CCDC18: variants seen among roughly 807,000 people sequenced by gnomAD.
The protein encoded by CCDC18 is coiled-coil domain-containing protein 18.
CCDC18 carries 157 observed loss-of-function variants against 196.0 expected under a neutral mutation model. The ratio of observed to expected loss-of-function variants is 0.80; its 90% CI spans 0.70 to 0.91. The LOEUF (loss-of-function observed/expected upper bound fraction) is 0.91. Ranked by LOEUF, CCDC18 falls within the 40% of genes least tolerant of loss-of-function variation. The probability of loss-of-function intolerance (pLI) is 0.00; values close to 1 mark genes in which losing one functional copy is unlikely to be tolerated. For synonymous variants in CCDC18, 482 were observed against 529.2 expected (o/e 0.91, Z 1.22); for missense variants, 1,465 against 1,611.6 (o/e 0.91, Z 1.56).
At chr1:93,199,092 G>A (rs1408420104) in intron 6 of CCDC18, among the ~76,000 whole-genome samples, 1 of 152,186 alleles carries the variant, frequency 6.6e-6, no homozygotes, top group Non-Finnish European at 1.5e-5. Context: ...TGGGATCCTT[G>A]GGGTGTTGCT....
intron 18 of CCDC18, among the ~76,000 whole-genome samples, chr1:93,235,631 C>T (rs1659975306): frequency 6.6e-6 from 1 of 151,876 alleles, no homozygotes; most frequent in Admixed American, 6.6e-5. Context: ...AAGCTTTTTA[C>T]AGTGGGAAAG....
chr1:93,258,652 AAAATT>A, intron 25 of CCDC18, 91 bp from the exon 26 acceptor site: 2 of 990,992 alleles, frequency 2.0e-6, no homozygotes, highest in South Asian at 5.1e-5. Context: ...TATAATATAA[AAAATT>A]AAACTACTTC....
rs1193446888 is a variant in CCDC18 at position 93,195,737 on chromosome 1, CAG to C, written c.698+1999_698+2000del. Among the ~76,000 whole-genome samples, 3 of 152,216 alleles carry C rather than the reference CAG, an allele frequency of 2.0e-5. No individual in the cohort carries two copies. The East Asian group carries it at 5.8e-4, about 29-fold the overall frequency. On this transcript the variant is annotated intron_variant, in intron 6 of 28. Transcript: ENST00000690025. ...AGCATTTAAGGCACCATCTTGGAAGCAGAGAGATTAGGCCCTACCAAACTGCC... is the reference window on the plus strand; with the variant it reads ...AGCATTTAAGGCACCATCTTGGAAGCAGAGATTAGGCCCTACCAAACTGCC...
chr1:93,226,282 G>A, intron 16 of CCDC18, 51 bp from the exon 17 acceptor site: 2 of 758,834 alleles, frequency 2.6e-6, no homozygotes, highest in Non-Finnish European at 4.5e-6. Flanking sequence ...GTAAAATATT[G>A]AGTATATCGT....
intron 2 of CCDC18, 105 bp from the exon 3 acceptor site, chr1:93,183,873 C>A: frequency 1.6e-6 from 1 of 632,240 alleles, no homozygotes; most frequent in Non-Finnish European, 2.4e-6. Flanking sequence ...AACTGTGAAT[C>A]TGCTTAGCAG....
chr1:93,181,408 T>C (rs1021254653), intron 1 of CCDC18, among the ~76,000 whole-genome samples: 2 of 152,070 alleles, frequency 1.3e-5, no homozygotes, highest in African/African-American at 4.8e-5. Flanking sequence ...AAACACATTG[T>C]TAATTAGGGC....
chr1:93,210,985 A>G, intron 10 of CCDC18, 59 bp downstream of exon 10: 2 of 1,551,392 alleles, frequency 1.3e-6, no homozygotes, highest in Non-Finnish European at 1.8e-6. Context: ...GGTAATTAAG[A>G]CCCTTAATTG....
intron 8 of CCDC18, 91 bp downstream of exon 8, chr1:93,205,722 T>A: frequency 8.5e-7 from 1 of 1,175,956 alleles, no homozygotes; most frequent in Non-Finnish European, 1.2e-6. Flanking sequence ...GTTGTAATTA[T>A]AGGCTTACAT....
chr1:93,263,611 A>G (rs1664104401), intron 26 of CCDC18, among the ~76,000 whole-genome samples: 1 of 152,186 alleles, frequency 6.6e-6, no homozygotes, highest in Non-Finnish European at 1.5e-5. Flanking sequence ...CTTGCACTTC[A>G]TTGTCCATAT....
intron 18 of CCDC18, among the ~76,000 whole-genome samples, chr1:93,235,371 A>G (rs1039392168): frequency 6.6e-6 from 1 of 152,302 alleles, no homozygotes; most frequent in Non-Finnish European, 1.5e-5. Context: ...TAAGGAAGGA[A>G]TGAATGTTGC....
At chr1:93,217,605 T>C in intron 13 of CCDC18, 133 bp from the exon 14 acceptor site, 1 of 678,488 alleles carries the variant, frequency 1.5e-6, no homozygotes, top group Non-Finnish European at 2.4e-6. Flanking sequence ...ACTTAGCTAA[T>C]TTTTTGTATT....
chr1:93,214,283 G>A (rs2815415), intron 11 of CCDC18, among the ~76,000 whole-genome samples: 28,276 of 151,978 alleles, frequency 0.19, 2,896 homozygotes, highest in East Asian at 0.31. Context: ...AGAGAAAGAC[G>A]ATGGGGTCGG....
At position 93,270,760 on chromosome 1, in the gene CCDC18, A is replaced by G; in HGVS notation, c.4299A>G (p.Lys1433=). Reference sequence around the variant, plus strand: ...GTGGGATGCTAAGATACATAAACAAAGAAGTAAGACTATTAAAAAAGTCTT... The same window carrying G: ...GTGGGATGCTAAGATACATAAACAAGGAAGTAAGACTATTAAAAAAGTCTT... ...TLSGMLRYIN[K]EVRLLKKSSM... The change falls in exon 28 of 29, where the codon AAA becomes AAG. Residue 1433 remains lysine, a synonymous_variant. Coordinates refer to ENST00000690025, the MANE Select transcript of CCDC18 (RefSeq NM_001378204.1). 1 of 1,548,442 alleles carries G rather than the reference A, an allele frequency of 6.5e-7. No homozygotes were observed. Among genetic ancestry groups the G allele is most frequent in the Non-Finnish European group, 8.7e-7 (1 of 1,146,328 alleles).
At chr1:93,252,820 A>T (rs1402049420) in intron 23 of CCDC18, among the ~76,000 whole-genome samples, 1 of 152,224 alleles carries the variant, frequency 6.6e-6, no homozygotes, top group Non-Finnish European at 1.5e-5. Flanking sequence ...TGAGGCTGTG[A>T]TCACTGCAGC....
At chr1:93,213,409 CTTTTTTT>C (rs75496996) in intron 11 of CCDC18, among the ~76,000 whole-genome samples, 8 of 147,056 alleles carry the variant, frequency 5.4e-5, no homozygotes, top group Non-Finnish European at 1.2e-4. Context: ...AATTTTCTCT[CTTTTTTT>C]TTTTTTCCAA....
chr1:93,208,194 T>C (rs1655013377), intron 9 of CCDC18, among the ~76,000 whole-genome samples: 1 of 152,218 alleles, frequency 6.6e-6, no homozygotes. Flanking sequence ...ATGTCTACAC[T>C]ATTTTACATT....
At chr1:93,236,735 A>C (rs1660116187) in intron 19 of CCDC18, among the ~76,000 whole-genome samples, 1 of 152,216 alleles carries the variant, frequency 6.6e-6, no homozygotes, top group African/African-American at 2.4e-5. Flanking sequence ...AAAAATGTAA[A>C]TGTACTCACA....
chr1:93,221,805 T>C (rs1408818283), intron 15 of CCDC18, 54 bp from the exon 16 acceptor site: 9 of 1,590,566 alleles, frequency 5.7e-6, no homozygotes, highest in Non-Finnish European at 7.7e-6. Context: ...TCTCTATAAC[T>C]TGCCTTTAAA....
chr1:93,275,006 G>A (rs538343777), intron 28 of CCDC18, among the ~76,000 whole-genome samples: 33 of 152,226 alleles, frequency 2.2e-4, no homozygotes, highest in African/African-American at 7.0e-4. Flanking sequence ...CTCCTACAGC[G>A]CATGAGCCTC....
Sources: gnomAD v4.1 joint callset for allele counts (sites outside exome capture counted in the v4.1 genomes callset) on GRCh38, gnomAD v4.1.1 for gene constraint, MANE v1.5 for transcripts, NCBI Gene and HGNC (gene_info 2026-07-23, HGNC 2026-07-21) for gene names.